The following USP7 variants were observed in gnomAD, a reference collection of about 807,000 sequenced individuals.
USP7 encodes ubiquitin C-terminal hydrolase 7.
Under a neutral mutation model 162.9 loss-of-function variants are expected in USP7, and 9 were observed. The ratio of observed to expected loss-of-function variants is 0.06; its 90% CI spans 0.03 to 0.10. The LOEUF is 0.10. USP7 is among the 10% of genes least tolerant of loss of function. The probability of loss-of-function intolerance (pLI) is 1.00; values close to 1 mark genes in which losing one functional copy is unlikely to be tolerated. For synonymous variants in USP7, 562 were observed against 475.9 expected, an observed-to-expected ratio of 1.18 and a Z score of -2.35; for missense variants, 715 against 1,373.7, an observed-to-expected ratio of 0.52 and a Z score of 7.58.
chr16:8,899,538 A>G, intron 22 of USP7, 66 bp downstream of exon 22: 2 of 1,583,014 alleles, frequency 1.3e-6, no homozygotes, highest in Non-Finnish European at 1.7e-6. Flanking sequence ...TTCAACAAGC[A>G]TTTTAAGAAA....
chr16:8,930,507 T>C (rs762360435), intron 1 of USP7, 110 bp from the exon 2 acceptor site: 24 of 692,942 alleles, frequency 3.5e-5, no homozygotes, highest in Admixed American at 1.7e-4. Flanking sequence ...TAAATTCCAA[T>C]TGTACCACAA....
chr16:8,956,731 C>G (rs1000000143), intron 1 of USP7, among the ~76,000 whole-genome samples: 4 of 151,832 alleles, frequency 2.6e-5, no homozygotes, highest in Non-Finnish European at 4.4e-5. Flanking sequence ...CCACTGCACT[C>G]CAGCCTGGGT....
intron 1 of USP7, among the ~76,000 whole-genome samples, chr16:8,948,412 TG>T (rs1292670959): frequency 6.6e-6 from 1 of 152,170 alleles, no homozygotes; most frequent in African/African-American, 2.4e-5. Context: ...CTCAAACCCC[TG>T]GGCTCAAGCT....
At chr16:8,900,211 A>G (rs566603058) in intron 21 of USP7, 43 of 329,188 alleles carry the variant, frequency 1.3e-4, no homozygotes, top group Non-Finnish European at 2.3e-4. Flanking sequence ...GAAATGAATT[A>G]CCCAAGTAGG....
chr16:8,907,655 A>C (rs185579331), intron 12 of USP7, among the ~76,000 whole-genome samples: 12 of 152,300 alleles, frequency 7.9e-5, no homozygotes, highest in African/African-American at 2.6e-4. Flanking sequence ...CAGCCTGGCC[A>C]GCATAGTGAA....
At chr16:8,907,098 C>T (rs974906265) in intron 12 of USP7, among the ~76,000 whole-genome samples, 8 of 152,244 alleles carry the variant, frequency 5.3e-5, no homozygotes, top group African/African-American at 1.7e-4. Flanking sequence ...TGCACCCGGC[C>T]TGCGAAGCAG....
At chr16:8,923,767 A>G (rs997838016) in intron 2 of USP7, among the ~76,000 whole-genome samples, 2 of 152,292 alleles carry the variant, frequency 1.3e-5, no homozygotes, top group East Asian at 1.9e-4. Flanking sequence ...GACATGGCTC[A>G]TATCTGTTCA....
chr16:8,933,862 C>T (rs1898526571), intron 1 of USP7, among the ~76,000 whole-genome samples: 1 of 151,660 alleles, frequency 6.6e-6, no homozygotes, highest in South Asian at 2.1e-4. Flanking sequence ...TTCAAATAAT[C>T]CTCCTGCCTC....
chr16:8,901,323 A>G (rs1336414233), intron 18 of USP7, 89 bp from the exon 19 acceptor site: 3 of 351,692 alleles, frequency 8.5e-6, no homozygotes, highest in Admixed American at 5.9e-5. Context: ...AAAAAACGAA[A>G]AAAAAAAAAC....
At chr16:8,895,832 A>T in intron 26 of USP7, 91 bp from the exon 27 acceptor site, 1 of 835,602 alleles carries the variant, frequency 1.2e-6, no homozygotes, top group South Asian at 1.8e-5. Context: ...TAAAGTTACC[A>T]CGATATGTTT....
intron 13 of USP7, among the ~76,000 whole-genome samples, chr16:8,905,799 G>A (rs111530057): frequency 2.0e-5 from 3 of 152,352 alleles, no homozygotes; most frequent in Admixed American, 6.5e-5. Context: ...TGAAGTCAAC[G>A]TAGCATGTTC....
rs372663824 is a variant in USP7, at chr16:8,894,124, G to T, written c.3203-20C>A. ...TATTACCTGGTGGGGATGAAGAAAA[G>T]CAAGTGAGGCCACAGAGCAGCCCTG... On this transcript the variant is annotated intron_variant, in intron 30 of 30. Transcript: ENST00000344836. The T allele has an allele frequency of 1.9e-6, 3 of 1,607,818 alleles. No homozygotes were observed. The highest frequency in any genetic ancestry group is 2.2e-5 in the East Asian group (1 of 44,850).
intron 10 of USP7, among the ~76,000 whole-genome samples, chr16:8,911,085 T>C (rs541576276): frequency 6.6e-5 from 10 of 152,214 alleles, no homozygotes; most frequent in Non-Finnish European, 1.3e-4. Context: ...TTTACTGTTA[T>C]TCGAACAAAG....
chr16:8,948,287 A>G (rs1180903415), intron 1 of USP7, among the ~76,000 whole-genome samples: 1 of 152,090 alleles, frequency 6.6e-6, no homozygotes, highest in East Asian at 1.9e-4. Context: ...GGCTCAAGCA[A>G]TCCTCCCACC....
At chr16:8,921,055 AATC>A in intron 4 of USP7, 99 bp downstream of exon 4, 7 of 1,311,960 alleles carry the variant, frequency 5.3e-6, no homozygotes, top group Non-Finnish European at 7.2e-6. Context: ...AGAAAGTAAA[AATC>A]TGACTCTAAA....
chr16:8,914,361 C>T (rs918537928), intron 10 of USP7, among the ~76,000 whole-genome samples: 1 of 151,840 alleles, frequency 6.6e-6, no homozygotes, highest in Admixed American at 6.6e-5. Context: ...GGGAATCTCG[C>T]TAACTTGATC....
At chr16:8,949,639 TGC>T (rs1432387356) in intron 1 of USP7, 1 of 152,394 alleles carries the variant, frequency 6.6e-6, no homozygotes, top group East Asian at 1.9e-4. Flanking sequence ...TCTCTCAGAG[TGC>T]AATCTTGTTC....
chr16:8,898,797 A>G (rs2061728594), intron 23 of USP7, 158 bp from the exon 24 acceptor site: 2 of 643,128 alleles, frequency 3.1e-6, no homozygotes, highest in Admixed American at 3.1e-5. Context: ...CCCAAGAACT[A>G]AGTCCCACTC....
intron 1 of USP7, among the ~76,000 whole-genome samples, chr16:8,933,973 TCTCAAA>T (rs1269340384): frequency 1.3e-5 from 2 of 152,122 alleles, no homozygotes. Context: ...GCCAGGCTGG[TCTCAAA>T]CTCATGACCT....
Sources: allele counts gnomAD v4.1 joint callset (sites outside exome capture counted in the v4.1 genomes callset), GRCh38; gene constraint gnomAD v4.1.1; transcripts MANE v1.5; gene names NCBI Gene and HGNC (gene_info 2026-07-23, HGNC 2026-07-21).